Variants in ABHD12B observed in about 807,000 individuals in gnomAD.
The protein encoded by ABHD12B is protein ABHD12B.
Under a neutral mutation model 50.4 loss-of-function variants are expected in ABHD12B, and 42 were observed. The observed-to-expected ratio is 0.83, with a 90% CI of 0.65 to 1.08. The LOEUF is 1.08. Ranked by LOEUF, ABHD12B falls within the 50% of genes least tolerant of loss-of-function variation. The pLI, the probability that ABHD12B is intolerant of heterozygous loss-of-function variation, is 0.00. For missense variants in ABHD12B, 479 were observed against 447.7 expected (o/e 1.07, Z -0.63); for synonymous variants, 167 against 160.3 (o/e 1.04, Z -0.32).
chr14:50,900,284 T>C (rs2050248288), intron 9 of ABHD12B, among the ~76,000 whole-genome samples: 1 of 152,154 alleles, frequency 6.6e-6, no homozygotes, highest in Non-Finnish European at 1.5e-5. Context: ...TGAAATTCAA[T>C]CATACTAAAT....
chr14:50,877,453 C>T (rs2049878198), intron 1 of ABHD12B, among the ~76,000 whole-genome samples: 1 of 152,190 alleles, frequency 6.6e-6, no homozygotes, highest in Admixed American at 6.5e-5. Context: ...CCTTCCCTTC[C>T]TGTCCCTGCC....
intron 3 of ABHD12B, among the ~76,000 whole-genome samples, chr14:50,879,783 A>G (rs1397252303): frequency 6.6e-6 from 1 of 152,252 alleles, no homozygotes; most frequent in Admixed American, 6.5e-5. Context: ...AGCAGGCAGC[A>G]GTGCCTATAT....
chr14:50,875,152 A>C (rs1317836393), intron 1 of ABHD12B, among the ~76,000 whole-genome samples: 1 of 152,208 alleles, frequency 6.6e-6, no homozygotes, highest in Non-Finnish European at 1.5e-5. Flanking sequence ...ATTCAAGGCC[A>C]GCTGAGGCCC....
intron 5 of ABHD12B, 39 bp downstream of exon 5, chr14:50,881,665 T>C (rs777216766): frequency 6.2e-7 from 1 of 1,610,590 alleles, no homozygotes; most frequent in Non-Finnish European, 8.5e-7. Context: ...ATTTCATAAG[T>C]CTGTTTGATA....
At chr14:50,879,391 T>A (rs2049908610) in intron 3 of ABHD12B, among the ~76,000 whole-genome samples, 1 of 152,256 alleles carries the variant, frequency 6.6e-6, no homozygotes. Context: ...CTTACAAGAC[T>A]ATAGCTTCAG....
At position 50,880,472 on chromosome 14, in the gene ABHD12B, G is replaced by C. The variant is rs200952659; in HGVS notation, c.356G>C (p.Arg119Pro). 1.2e-6 allele frequency: 2 copies of C among 1,605,612 alleles called. No individual in the cohort carries two copies. The highest frequency in any genetic ancestry group is 1.3e-5 in the African/African-American group (1 of 74,462). ...LGIWHTVPSC[R>P]GEDAKGKDCC... ...TTCAGGCACACAGTCCCCAGCTGCC[G>C]GGGGGAAGATGCCAAGGGGAAGGAC... Residue 119 changes from arginine to proline, a missense_variant, in exon 4 of 13, where the codon CGG (arginine) becomes CCG (proline). By Grantham distance (103) the Arg-to-Pro change is moderately radical. Transcript: ENST00000337334.
chr14:50,903,309 T>C, intron 10 of ABHD12B, 80 bp from the exon 11 acceptor site: 1 of 1,102,192 alleles, frequency 9.1e-7, no homozygotes, highest in South Asian at 1.4e-5. Flanking sequence ...CCTCATGTTT[T>C]GCTAAAGCTT....
chr14:50,886,552 C>A, intron 7 of ABHD12B, 95 bp from the exon 8 acceptor site: 1 of 1,227,332 alleles, frequency 8.1e-7, no homozygotes, highest in Non-Finnish European at 1.2e-6. Flanking sequence ...TTTTTCTAAC[C>A]AGAGAGCCCA....
At chr14:50,901,774 A>G in intron 9 of ABHD12B, 55 bp from the exon 10 acceptor site, 2 of 1,183,662 alleles carry the variant, frequency 1.7e-6, no homozygotes, top group Non-Finnish European at 2.4e-6. Flanking sequence ...AGACTATATA[A>G]CAGATGGCAT....
intron 3 of ABHD12B, among the ~76,000 whole-genome samples, chr14:50,880,198 T>C (rs2049919788): frequency 6.6e-6 from 1 of 152,152 alleles, no homozygotes; most frequent in Admixed American, 6.5e-5. Flanking sequence ...AATTAACAGG[T>C]GCAGAAGTCA....
chr14:50,897,652 G>A (rs1178350243), intron 9 of ABHD12B, among the ~76,000 whole-genome samples: 1 of 152,210 alleles, frequency 6.6e-6, no homozygotes, highest in Non-Finnish European at 1.5e-5. Context: ...GTGGAAAAGA[G>A]TATGGGCTGT....
intron 9 of ABHD12B, chr14:50,892,429 T>C: frequency 1.0e-6 from 1 of 985,436 alleles, no homozygotes; most frequent in Non-Finnish European, 1.2e-6. Context: ...GTGCTAAGCT[T>C]TGAAGCAAAG....
chr14:50,887,302 G>T (rs1432240497), intron 8 of ABHD12B, among the ~76,000 whole-genome samples: 4 of 142,996 alleles, frequency 2.8e-5, no homozygotes, highest in African/African-American at 1.0e-4. Context: ...ATGATACACA[G>T]AACTGGCTTT....
At chr14:50,880,342 C>T (rs1211636212) in intron 3 of ABHD12B, 110 bp from the exon 4 acceptor site, 22 of 1,157,486 alleles carry the variant, frequency 1.9e-5, no homozygotes, top group Admixed American at 3.7e-5. Context: ...ATATATTAGT[C>T]GGATAAAAAA....
chr14:50,872,621 A>G (rs1256354953), intron 1 of ABHD12B, among the ~76,000 whole-genome samples: 1 of 152,196 alleles, frequency 6.6e-6, no homozygotes, highest in Non-Finnish European at 1.5e-5. Flanking sequence ...GCTAACATAC[A>G]AGATGGATCT....
At chr14:50,883,804 G>C (rs2049993847) in intron 5 of ABHD12B, among the ~76,000 whole-genome samples, 2 of 152,276 alleles carry the variant, frequency 1.3e-5, no homozygotes, top group African/African-American at 4.8e-5. Context: ...TCCTCCTCTG[G>C]ATAGGTGATT....
At chr14:50,887,684 G>A (rs1271384697) in intron 8 of ABHD12B, among the ~76,000 whole-genome samples, 1 of 152,114 alleles carries the variant, frequency 6.6e-6, no homozygotes, top group South Asian at 2.1e-4. Context: ...CTCCTGAAAG[G>A]CAGTTATGGT....
chr14:50,898,592 G>A (rs2142767781), intron 9 of ABHD12B, among the ~76,000 whole-genome samples: 1 of 152,308 alleles, frequency 6.6e-6, no homozygotes, highest in South Asian at 2.1e-4. Flanking sequence ...CTCCTGGCTG[G>A]AAGGGAATGA....
At chr14:50,895,396 C>T (rs1331086893) in intron 9 of ABHD12B, among the ~76,000 whole-genome samples, 4 of 151,584 alleles carry the variant, frequency 2.6e-5, no homozygotes, top group Admixed American at 6.6e-5. Context: ...ACGCCTGAAC[C>T]GCAGCAGCCA....
Sources: allele counts gnomAD v4.1 joint callset (sites outside exome capture counted in the v4.1 genomes callset), GRCh38; gene constraint gnomAD v4.1.1; transcripts MANE v1.5; gene names NCBI Gene and HGNC (gene_info 2026-07-23, HGNC 2026-07-21).